The following CUL2 variants were observed in gnomAD, a reference collection of about 807,000 sequenced individuals.
CUL2 encodes cullin 2.
A neutral mutation model predicts 110.2 loss-of-function variants in CUL2; 22 were observed. That is an observed-to-expected ratio of 0.20 (90% confidence interval 0.14 to 0.28). The LOEUF (loss-of-function observed/expected upper bound fraction) is 0.28. Ranked by LOEUF, CUL2 falls within the 10% of genes least tolerant of loss-of-function variation. The pLI, the probability that CUL2 is intolerant of heterozygous loss-of-function variation, is 1.00. For synonymous variants in CUL2, 279 were observed against 293.2 expected (o/e 0.95, Z 0.49); for missense variants, 631 against 905.5 (o/e 0.70, Z 3.89).
intron 4 of CUL2, among the ~76,000 whole-genome samples, chr10:35,059,997 T>C (rs1589016676): frequency 6.6e-6 from 1 of 152,206 alleles, no homozygotes; most frequent in Non-Finnish European, 1.5e-5. Context: ...CAGTGGCTCA[T>C]GCCTGTAATC....
intron 1 of CUL2, chr10:35,079,501 T>C (rs976789284): frequency 6.5e-6 from 1 of 152,674 alleles, no homozygotes; most frequent in Non-Finnish European, 1.5e-5. Context: ...AACTTGTCTC[T>C]GCTCATGTCT....
intron 5 of CUL2, among the ~76,000 whole-genome samples, chr10:35,050,342 A>G (rs1212978283): frequency 6.6e-6 from 1 of 151,650 alleles, no homozygotes; most frequent in African/African-American, 2.4e-5. Context: ...AAAAAAACTT[A>G]ATTTTTTGAT....
intron 2 of CUL2, among the ~76,000 whole-genome samples, chr10:35,066,795 C>T (rs1208600532): frequency 6.6e-6 from 1 of 152,126 alleles, no homozygotes; most frequent in Non-Finnish European, 1.5e-5. Context: ...ACCAAATACA[C>T]CTGACTATAG....
At chr10:35,060,138 G>C (rs1431754590) in intron 4 of CUL2, among the ~76,000 whole-genome samples, 1 of 152,088 alleles carries the variant, frequency 6.6e-6, no homozygotes, top group African/African-American at 2.4e-5. Context: ...GTGCACACCT[G>C]TTGTTCCAGC....
chr10:35,066,596 G>C (rs559498245), intron 2 of CUL2, among the ~76,000 whole-genome samples: 17 of 152,224 alleles, frequency 1.1e-4, no homozygotes, highest in Non-Finnish European at 2.5e-4. Flanking sequence ...ACTGCGCCCC[G>C]CCAGATTTGC....
chr10:35,043,993 G>A (rs1017183562), intron 8 of CUL2, among the ~76,000 whole-genome samples: 1 of 149,092 alleles, frequency 6.7e-6, no homozygotes, highest in African/African-American at 2.5e-5. Context: ...ACTTGAGCCT[G>A]GGAGCCATGA....
At chr10:35,094,823 GA>G (rs1003448101), upstream of CUL2, among the ~76,000 whole-genome samples, 30 of 151,044 alleles carry the variant, frequency 2.0e-4, no homozygotes, top group African/African-American at 7.1e-4. Context: ...TTCTTTTCCA[GA>G]AAAAAAAATT....
chr10:35,075,122 T>C (rs879662507), intron 1 of CUL2, among the ~76,000 whole-genome samples: 79 of 152,118 alleles, frequency 5.2e-4, no homozygotes, highest in Non-Finnish European at 8.7e-4. Context: ...TCTGGTACCA[T>C]AGGAAAATAC....
chr10:35,010,501 T>A (rs529550839), intron 20 of CUL2, 59 bp from the exon 21 acceptor site: 19 of 1,514,744 alleles, frequency 1.3e-5, no homozygotes, highest in Middle Eastern at 3.6e-4. Flanking sequence ...AAGTAATGAC[T>A]TTTAACCAAT....
chr10:35,012,356 G>A (rs2084924396), intron 19 of CUL2, among the ~76,000 whole-genome samples: 1 of 152,098 alleles, frequency 6.6e-6, no homozygotes, highest in Admixed American at 6.6e-5. Context: ...CAATAAAGGA[G>A]GACACAGCAA....
At position 35,081,418 on chromosome 10, in the gene CUL2, G is replaced by A. The variant is rs187688313; in HGVS notation, c.-23+8761C>T. ...TTCTCATTTTTTGTTCAATAATCTA[G>A]TCAACGAATTTAAGAAACTGACATT... On this transcript the variant is annotated intron_variant, in intron 1 of 20. Coordinates refer to ENST00000374749, the MANE Select transcript of CUL2 (RefSeq NM_003591.4). Among the ~76,000 whole-genome samples, 8 of 152,142 alleles carry A rather than the reference G, an allele frequency of 5.3e-5. No individual in the cohort carries two copies. In the East Asian group the frequency reaches 1.4e-3, roughly 26 times the overall value.
intron 1 of CUL2, among the ~76,000 whole-genome samples, chr10:35,075,683 C>CACAT (rs3065413): frequency 6.9e-6 from 1 of 145,668 alleles, no homozygotes; most frequent in Non-Finnish European, 1.5e-5. Flanking sequence ...CACACACACA[C>CACAT]GCACGCTCCA....
intron 9 of CUL2, among the ~76,000 whole-genome samples, chr10:35,035,924 C>G (rs2085609730): frequency 6.6e-6 from 1 of 152,180 alleles, no homozygotes; most frequent in Non-Finnish European, 1.5e-5. Flanking sequence ...GAATAATGAT[C>G]TCTCAGTGTA....
At position 35,031,335 on chromosome 10, in the gene CUL2, T is replaced by A; in HGVS notation, c.1351A>T (p.Met451Leu). The A allele has an allele frequency of 1.2e-6, 2 of 1,607,016 alleles. No individual in the cohort carries two copies. Among genetic ancestry groups the A allele is most frequent in the Non-Finnish European group, 8.5e-7 (1 of 1,176,914 alleles). Reference protein sequence around the residue: ...KRLIHGLSMSMDSEEAMINKL... With the variant: ...KRLIHGLSMSLDSEEAMINKL... ...TTGATCATGGCTTCTTCAGAGTCCA[T>A]AGACATGGATAACCCATGAATTAAA... is the stretch of plus-strand genomic sequence containing the variant. Residue 451 changes from methionine (M) to leucine (L), a missense_variant, in exon 14 of 21, where the codon ATG (methionine) becomes TTG (leucine). By Grantham distance (15) the Met-to-Leu change is conservative (BLOSUM62 2). Around this residue, in one of 3 missense-constraint regions of CUL2, gnomAD observed 134 missense variants for 260.4 expected, o/e 0.51. Transcript: ENST00000374749. This position sits in a 1 kb window ranked among gnomAD's most constrained non-coding sequence, Gnocchi z 4.4.
rs182725433 is a variant in CUL2 at position 35,071,849 on chromosome 10, C to G, written c.-22-510G>C. The stretch of plus-strand genomic sequence containing the variant: ...AGAAATTTCACAGACTATTTACATT[C>G]ATTACAAGCTCTAGGAAATGGAAAG... On this transcript the variant is annotated intron_variant, in intron 1 of 20. Transcript: ENST00000374749. Among the ~76,000 whole-genome samples, 3 of 152,306 alleles carry G rather than the reference C, an allele frequency of 2.0e-5. No homozygotes were observed. The East Asian group carries it at 5.8e-4, about 29-fold the overall frequency.
rs997384979 is a variant in CUL2 at position 35,034,064 on chromosome 10, T to C, written c.1003-791A>G. Reference sequence around the variant, plus strand: ...TCCCTCACATCTCAGAGAGAAGAAATACCTAATAGTACAAAAGTGAGTTTT... The same window carrying C: ...TCCCTCACATCTCAGAGAGAAGAAACACCTAATAGTACAAAAGTGAGTTTT... On this transcript the variant is annotated intron_variant, in intron 10 of 20. Transcript: ENST00000374749. Among the ~76,000 whole-genome samples, 3 of 152,230 alleles carry C rather than the reference T, an allele frequency of 2.0e-5. No individual in the cohort carries two copies. The East Asian group carries it at 5.8e-4, about 29-fold the overall frequency.
chr10:35,012,412 T>C (rs1036477515), intron 19 of CUL2, among the ~76,000 whole-genome samples: 4 of 152,266 alleles, frequency 2.6e-5, no homozygotes, highest in African/African-American at 9.6e-5. Context: ...GAATCTTTCA[T>C]GACGCTTTTA....
intron 8 of CUL2, among the ~76,000 whole-genome samples, chr10:35,039,907 C>T (rs1422989281): frequency 6.6e-6 from 1 of 152,112 alleles, no homozygotes; most frequent in African/African-American, 2.4e-5. Flanking sequence ...AATCCCAGCA[C>T]TTTGGGAGGC....
chr10:35,069,369 C>G (rs1432426089), intron 2 of CUL2, among the ~76,000 whole-genome samples: 4 of 151,774 alleles, frequency 2.6e-5, no homozygotes, highest in African/African-American at 9.7e-5. Context: ...TGAGAACTCA[C>G]CTCTACAAAA....
Sources: gnomAD v4.1 joint callset for allele counts (sites outside exome capture counted in the v4.1 genomes callset) on GRCh38, gnomAD v4.1.1 for gene constraint, gnomAD v4.1.1 regional missense constraint, Gnocchi (gnomAD v3.1) non-coding constraint, MANE v1.5 for transcripts, NCBI Gene and HGNC (gene_info 2026-07-23, HGNC 2026-07-21) for gene names.